COL25A1: variants seen among roughly 807,000 people sequenced by gnomAD.
COL25A1 encodes the protein collagen alpha-1(XXV) chain.
A neutral mutation model predicts 128.4 loss-of-function variants in COL25A1; 103 were observed. That is an observed-to-expected ratio of 0.80 (90% CI 0.68 to 0.94). The LOEUF is 0.94. COL25A1 is among the 40% of genes least tolerant of loss of function. The pLI, the probability that COL25A1 is intolerant of heterozygous loss-of-function variation, is 0.00. For synonymous variants in COL25A1, 279 were observed against 277.2 expected, an observed-to-expected ratio of 1.01 and a Z score of -0.06; for missense variants, 745 against 840.0, an observed-to-expected ratio of 0.89 and a Z score of 1.40.
In COL25A1 at chr4:109,067,958, C is replaced by T. The variant is rs530801418; in HGVS notation, c.368-17779G>A. 3.3e-5 allele frequency among the ~76,000 whole-genome samples: 5 copies of T among 152,232 alleles called. No individual in the cohort carries two copies. The South Asian group carries it at 1.0e-3, about 32-fold the overall frequency. On this transcript the variant is annotated intron_variant, in intron 3 of 37. Transcript: ENST00000399132. ...GTAATCCATACTGGGTATCATGTGGCCTGATTCACCAAAGGAATGTCAAAG... is the reference window on the plus strand; with the variant it reads ...GTAATCCATACTGGGTATCATGTGGTCTGATTCACCAAAGGAATGTCAAAG...
intron 8 of COL25A1, among the ~76,000 whole-genome samples, chr4:108,971,457 G>A (rs548406637): frequency 6.6e-6 from 1 of 152,290 alleles, no homozygotes; most frequent in East Asian, 1.9e-4. Context: ...AGTTAGAGAA[G>A]TTCTCTCAGA....
chr4:109,145,240 T>G (rs1770816404), intron 3 of COL25A1, among the ~76,000 whole-genome samples: 1 of 151,992 alleles, frequency 6.6e-6, no homozygotes. Context: ...GCTAATTTAT[T>G]GTATTTTTAG....
chr4:109,299,743 C>T (rs1450630512), intron 3 of COL25A1, among the ~76,000 whole-genome samples: 2 of 152,102 alleles, frequency 1.3e-5, no homozygotes, highest in African/African-American at 4.8e-5. Context: ...CATCTCAACT[C>T]ATGGGAGTTT....
At chr4:108,865,838 A>T (rs898093026) in intron 20 of COL25A1, among the ~76,000 whole-genome samples, 2 of 152,206 alleles carry the variant, frequency 1.3e-5, no homozygotes, top group African/African-American at 4.8e-5. Context: ...GCACTATCAT[A>T]GCACACTATA....
intron 3 of COL25A1, among the ~76,000 whole-genome samples, chr4:109,141,076 T>A (rs896586355): frequency 6.6e-6 from 1 of 152,184 alleles, no homozygotes; most frequent in Non-Finnish European, 1.5e-5. Context: ...GGGTTTCTCA[T>A]AAATAGCTCT....
chr4:108,889,217 T>A lies in COL25A1; in HGVS notation c.975+4A>T. 6.2e-7 allele frequency: 1 copy of A among 1,612,904 alleles called. No individual in the cohort carries two copies. The highest frequency in any genetic ancestry group is 8.5e-7 in the Non-Finnish European group (1 of 1,178,962). ...TAGGAACACACTAGAGATAGAGATA[T>A]TACCTTTTGCCCTGGACGACCAGAT... On this transcript the variant is annotated splice_donor_region_variant and intron_variant, in intron 18 of 37. Transcript: ENST00000399132.
At chr4:108,993,032 G>T (rs549027147) in intron 6 of COL25A1, among the ~76,000 whole-genome samples, 1 of 152,260 alleles carries the variant, frequency 6.6e-6, no homozygotes, top group African/African-American at 2.4e-5. Context: ...TTATCATGTT[G>T]TGGTGAGAAC....
intron 11 of COL25A1, among the ~76,000 whole-genome samples, chr4:108,924,853 G>A (rs1343330752): frequency 1.3e-5 from 2 of 152,052 alleles, no homozygotes; most frequent in African/African-American, 4.8e-5. Context: ...GTTCCTATAA[G>A]GGGCTTTCTA....
intron 5 of COL25A1, among the ~76,000 whole-genome samples, chr4:109,029,559 T>C (rs892641106): frequency 2.0e-5 from 3 of 152,212 alleles, no homozygotes; most frequent in Non-Finnish European, 4.4e-5. Context: ...TGTTCATCTC[T>C]TACTGTAGCT....
At chr4:109,190,181 T>C (rs1560838102) in intron 3 of COL25A1, among the ~76,000 whole-genome samples, 1 of 152,156 alleles carries the variant, frequency 6.6e-6, no homozygotes, top group Admixed American at 6.5e-5. Flanking sequence ...AGCCAGCCTA[T>C]TATTTTGGTA....
chr4:109,124,212 T>G (rs377713675), intron 3 of COL25A1, among the ~76,000 whole-genome samples: 1 of 152,054 alleles, frequency 6.6e-6, no homozygotes, highest in South Asian at 2.1e-4. Context: ...TCTTTAATTT[T>G]ATGCAGTAAG....
chr4:108,946,426 T>C (rs942981821), intron 8 of COL25A1, among the ~76,000 whole-genome samples: 1 of 152,282 alleles, frequency 6.6e-6, no homozygotes, highest in Admixed American at 6.5e-5. Context: ...TCAGGTCTTC[T>C]GATTCTAAAC....
chr4:108,918,911 G>C (rs1239431110), intron 12 of COL25A1, among the ~76,000 whole-genome samples: 1 of 152,224 alleles, frequency 6.6e-6, no homozygotes, highest in Non-Finnish European at 1.5e-5. Flanking sequence ...GGGTGAGCTG[G>C]AGAATAAGAA....
chr4:109,083,273 C>CA (rs887258391), intron 3 of COL25A1, among the ~76,000 whole-genome samples: 2 of 151,240 alleles, frequency 1.3e-5, no homozygotes, highest in Non-Finnish European at 2.9e-5. Flanking sequence ...TTCTAAATAT[C>CA]AAAAAATGAT....
rs186685616 is a variant in COL25A1 at position 108,871,472 on chromosome 4, C to G, written c.1021-2322G>C. On this transcript the variant is annotated intron_variant, in intron 19 of 37. Transcript: ENST00000399132. ...CTGGGACTACAGGCGCCCGCCACTA[C>G]GCCCGGCTAATTTTTTTGCATTTTT... 7.8e-4 allele frequency among the ~76,000 whole-genome samples: 118 copies of G among 152,190 alleles called. 3 individuals are homozygous for G. The East Asian group carries it at 0.021, about 27-fold the overall frequency.
chr4:108,938,002 T>C (rs1292420348), intron 10 of COL25A1, among the ~76,000 whole-genome samples, 159 bp from the exon 11 acceptor site: 5 of 152,220 alleles, frequency 3.3e-5, no homozygotes. Flanking sequence ...TAATTTCCCT[T>C]CTACAAATAA....
At chr4:108,828,824 C>T (rs766330709) in intron 32 of COL25A1, among the ~76,000 whole-genome samples, 19 of 152,116 alleles carry the variant, frequency 1.2e-4, no homozygotes, top group Non-Finnish European at 1.3e-4. Context: ...CTTGGCAAAA[C>T]GCCAGGTTCA....
At chr4:109,208,532 C>T (rs1777215265) in intron 3 of COL25A1, among the ~76,000 whole-genome samples, 1 of 146,604 alleles carries the variant, frequency 6.8e-6, no homozygotes, top group Non-Finnish European at 1.5e-5. Context: ...AGTTTAAAAA[C>T]AGGAATTTTT....
intron 3 of COL25A1, among the ~76,000 whole-genome samples, chr4:109,201,435 A>G (rs1475065057): frequency 6.6e-6 from 1 of 152,208 alleles, no homozygotes. Context: ...GACAAAATCC[A>G]ACACCTATTC....
Sources: gnomAD v4.1 joint callset for allele counts (sites outside exome capture counted in the v4.1 genomes callset) on GRCh38, gnomAD v4.1.1 for gene constraint, MANE v1.5 for transcripts, NCBI Gene and HGNC (gene_info 2026-07-23, HGNC 2026-07-21) for gene names.